The following ATP9B variants were observed in gnomAD, a reference collection of about 807,000 sequenced individuals.
ATP9B encodes ATPase phospholipid transporting 9B.
A neutral mutation model predicts 146.1 loss-of-function variants in ATP9B; 110 were observed. That is an observed-to-expected ratio of 0.75 (90% CI 0.65 to 0.88). The LOEUF (loss-of-function observed/expected upper bound fraction) is 0.88, where lower values mean the gene tolerates loss of function less well. Among genes scored for constraint, ATP9B ranks in the 40% least tolerant of loss-of-function variants. The pLI is 0.00. For missense variants in ATP9B, 1,499 were observed against 1,496.4 expected (o/e 1.00, Z -0.03); for synonymous variants, 604 against 569.7 (o/e 1.06, Z -0.86).
chr18:79,265,095 G>A (rs376338978), intron 12 of ATP9B, among the ~76,000 whole-genome samples: 4 of 152,104 alleles, frequency 2.6e-5, no homozygotes, highest in South Asian at 2.1e-4. Flanking sequence ...CCCAGTGTGC[G>A]TTGTTCTCTT....
intron 17 of ATP9B, among the ~76,000 whole-genome samples, chr18:79,330,674 A>G (rs553085994): frequency 9.2e-5 from 14 of 152,304 alleles, no homozygotes; most frequent in African/African-American, 3.4e-4. Flanking sequence ...CGGCCTCCCA[A>G]AGTGCTGGCA....
chr18:79,359,479 A>C lies in ATP9B; in HGVS notation c.3012+17A>C, dbSNP rs769977251. 6.3e-7 allele frequency: 1 copy of C among 1,586,754 alleles called. No individual in the cohort carries two copies. Among genetic ancestry groups the C allele is most frequent in the Admixed American group, 1.7e-5 (1 of 59,904 alleles). ...CTCACCAAGGTACGGGCCTCAGGCAAGCTGTCTGCCTCACGACTAGCACCC... is the reference window on the plus strand; with the variant it reads ...CTCACCAAGGTACGGGCCTCAGGCACGCTGTCTGCCTCACGACTAGCACCC... On this transcript the variant is annotated intron_variant, in intron 26 of 29. Coordinates refer to ENST00000426216, the MANE Select transcript of ATP9B (RefSeq NM_198531.5).
chr18:79,240,231 T>C (rs1291967772), intron 11 of ATP9B, among the ~76,000 whole-genome samples: 1 of 152,230 alleles, frequency 6.6e-6, no homozygotes, highest in Non-Finnish European at 1.5e-5. Context: ...ATGTAGTCTC[T>C]TCTCCTTTTC....
At chr18:79,114,749 CTG>C (rs2094035604) in intron 4 of ATP9B, among the ~76,000 whole-genome samples, 2 of 152,116 alleles carry the variant, frequency 1.3e-5, no homozygotes, top group South Asian at 2.1e-4. Flanking sequence ...AACTGTAACA[CTG>C]TGGCGCTCAT....
chr18:79,207,080 C>A, intron 10 of ATP9B, 68 bp downstream of exon 10: 1 of 1,471,930 alleles, frequency 6.8e-7, no homozygotes, highest in Non-Finnish European at 9.5e-7. Context: ...TGTCCAGGGA[C>A]TCCAAACAAG....
chr18:79,230,216 A>G (rs988026471), intron 11 of ATP9B, among the ~76,000 whole-genome samples: 1 of 152,230 alleles, frequency 6.6e-6, no homozygotes, highest in African/African-American at 2.4e-5. Context: ...TCCTAGCCAC[A>G]GCAATCGGAC....
intron 13 of ATP9B, among the ~76,000 whole-genome samples, chr18:79,281,036 A>G (rs950255861): frequency 5.9e-5 from 9 of 152,194 alleles, no homozygotes; most frequent in African/African-American, 2.2e-4. Context: ...AAATTATCTA[A>G]ATGGCCAACT....
intron 12 of ATP9B, among the ~76,000 whole-genome samples, chr18:79,263,103 T>C (rs1368000838): frequency 6.6e-6 from 1 of 152,154 alleles, no homozygotes; most frequent in Admixed American, 6.5e-5. Context: ...TTAATAGACA[T>C]ATATATTTAT....
intron 1 of ATP9B, among the ~76,000 whole-genome samples, chr18:79,070,951 C>T (rs575520423): frequency 6.6e-6 from 1 of 151,838 alleles, no homozygotes; most frequent in African/African-American, 2.4e-5. Flanking sequence ...CATATTTACA[C>T]CATTTACATT....
intron 13 of ATP9B, among the ~76,000 whole-genome samples, chr18:79,294,439 G>A (rs1000472749): frequency 3.4e-4 from 52 of 152,226 alleles, no homozygotes; most frequent in Non-Finnish European, 6.5e-4. Context: ...TTGCCCAGCC[G>A]TGGCTCACAG....
intron 7 of ATP9B, among the ~76,000 whole-genome samples, chr18:79,157,063 T>C (rs1600004186): frequency 6.6e-6 from 1 of 152,120 alleles, no homozygotes; most frequent in African/African-American, 2.4e-5. Context: ...TGCATCTGTT[T>C]TTAAAGGATG....
chr18:79,256,707 T>G (rs768383735), intron 12 of ATP9B, among the ~76,000 whole-genome samples: 21 of 152,186 alleles, frequency 1.4e-4, no homozygotes, highest in Non-Finnish European at 2.8e-4. Flanking sequence ...TCAGCTCATC[T>G]TCCCTCTCCC....
chr18:79,076,668 G>C lies in ATP9B; in HGVS notation c.119+7139G>C, dbSNP rs564983247. Reference sequence around the variant, plus strand: ...GATTACCCTGTTTAGGGTTTGCTTAGTATCCTAATTCTATAAGTTTGTGTC... The same window carrying C: ...GATTACCCTGTTTAGGGTTTGCTTACTATCCTAATTCTATAAGTTTGTGTC... On this transcript the variant is annotated intron_variant, in intron 1 of 29. Coordinates refer to ENST00000426216, the MANE Select transcript of ATP9B (RefSeq NM_198531.5). Among the ~76,000 whole-genome samples, 14 of 152,244 alleles carry C rather than the reference G, an allele frequency of 9.2e-5. No individual in the cohort carries two copies. In the South Asian group the frequency reaches 2.9e-3, roughly 32 times the overall value.
intron 10 of ATP9B, among the ~76,000 whole-genome samples, chr18:79,208,072 C>T (rs539690412): frequency 1.3e-5 from 2 of 151,974 alleles, no homozygotes; most frequent in African/African-American, 2.4e-5. Context: ...TGTGAAACCC[C>T]GTCTCTACTA....
intron 12 of ATP9B, 112 bp downstream of exon 12, chr18:79,253,653 G>T (rs1406489776): frequency 2.5e-5 from 29 of 1,176,286 alleles, no homozygotes; most frequent in African/African-American, 9.5e-5. Flanking sequence ...AGAGAAGTAG[G>T]AGCCAGAAGT....
At chr18:79,302,397 C>A (rs1027989705) in intron 13 of ATP9B, among the ~76,000 whole-genome samples, 12 of 150,378 alleles carry the variant, frequency 8.0e-5, no homozygotes, top group Non-Finnish European at 8.9e-5. Flanking sequence ...AGTGCACACA[C>A]CCCCGGGGAC....
At chr18:79,308,555 A>C (rs936183677) in intron 15 of ATP9B, among the ~76,000 whole-genome samples, 4 of 152,240 alleles carry the variant, frequency 2.6e-5, no homozygotes, top group African/African-American at 9.6e-5. Context: ...GGCAACCTGC[A>C]TGCCTGTGTG....
chr18:79,093,029 C>T (rs1009363234), intron 1 of ATP9B, among the ~76,000 whole-genome samples: 10 of 152,062 alleles, frequency 6.6e-5, no homozygotes, highest in Admixed American at 5.2e-4. Flanking sequence ...ATTTGATTTA[C>T]ACCAGCATCA....
At chr18:79,302,141 TA>T (rs1568619281) in intron 13 of ATP9B, among the ~76,000 whole-genome samples, 1 of 152,264 alleles carries the variant, frequency 6.6e-6, no homozygotes, top group Admixed American at 6.5e-5. Flanking sequence ...AATTGGGTTT[TA>T]TGGTTTTATT....
Sources: gnomAD v4.1 joint callset for allele counts (sites outside exome capture counted in the v4.1 genomes callset) on GRCh38, gnomAD v4.1.1 for gene constraint, MANE v1.5 for transcripts, NCBI Gene and HGNC (gene_info 2026-07-23, HGNC 2026-07-21) for gene names.